Variants in UGT1A4 observed in about 807,000 individuals in gnomAD.
UGT1A4 encodes UDP glucuronosyltransferase family 1 member A4.
UGT1A4 carries 32 observed loss-of-function variants against 41.1 expected under a neutral mutation model. The observed-to-expected ratio is 0.78, with a 90% confidence interval of 0.59 to 1.05. The LOEUF (loss-of-function observed/expected upper bound fraction) is 1.05, where lower values mean the gene tolerates loss of function less well. Among genes scored for constraint, UGT1A4 ranks in the 50% least tolerant of loss-of-function variants. UGT1A4 has a pLI of 0.00. For synonymous variants in UGT1A4, 283 were observed against 265.1 expected, an observed-to-expected ratio of 1.07 and a Z score of -0.66; for missense variants, 748 against 677.4, an observed-to-expected ratio of 1.10 and a Z score of -1.16.
intron 1 of UGT1A4, chr2:233,755,812 A>C (rs1456850451): frequency 6.6e-6 from 1 of 152,248 alleles, no homozygotes; most frequent in African/African-American, 2.4e-5. Context: ...ATTAAAACAG[A>C]ATTAAAAAGA....
In UGT1A4 at chr2:233,731,732, C is replaced by T. The variant is rs376493971; in HGVS notation, c.867+12045C>T. Among the ~76,000 whole-genome samples, 8 of 152,220 alleles carry T rather than the reference C, an allele frequency of 5.3e-5. No homozygotes were observed. In the East Asian group the frequency reaches 1.3e-3, roughly 26 times the overall value. On this transcript the variant is annotated intron_variant, in intron 1 of 4. Transcript: ENST00000373409. ...CAGGTCTTTGCTATTGTGAATAGTG[C>T]CACAATAAACATACGTGTGCATGTG...
intron 1 of UGT1A4, among the ~76,000 whole-genome samples, chr2:233,726,317 A>G (rs1017068137): frequency 1.3e-5 from 2 of 152,230 alleles, no homozygotes; most frequent in African/African-American, 4.8e-5. Context: ...CATTGAGCTC[A>G]GGAGTTTCAG....
At chr2:233,720,871 A>ACT (rs2076900634) in intron 1 of UGT1A4, among the ~76,000 whole-genome samples, 1 of 132,772 alleles carries the variant, frequency 7.5e-6, no homozygotes, top group Non-Finnish European at 1.6e-5. Context: ...GCTCCTGGCA[A>ACT]TTTTTTTTTT....
intron 1 of UGT1A4, among the ~76,000 whole-genome samples, chr2:233,749,315 G>T (rs2125898237): frequency 6.6e-6 from 1 of 151,862 alleles, no homozygotes; most frequent in Middle Eastern, 3.4e-3. Flanking sequence ...GTGTTTATTA[G>T]ATTTGTAACA....
intron 1 of UGT1A4, among the ~76,000 whole-genome samples, chr2:233,724,201 G>A: frequency 7.6e-6 from 1 of 131,764 alleles, no homozygotes; most frequent in South Asian, 2.7e-4. Flanking sequence ...TGGCTGGCCG[G>A]GCTGAGGGGC....
At chr2:233,761,494 C>T (rs1189997049) in intron 1 of UGT1A4, among the ~76,000 whole-genome samples, 1 of 152,234 alleles carries the variant, frequency 6.6e-6, no homozygotes, top group Non-Finnish European at 1.5e-5. Context: ...GCACCTTGCC[C>T]TGGATTCAGT....
intron 1 of UGT1A4, among the ~76,000 whole-genome samples, chr2:233,766,658 C>A (rs1575821914): frequency 6.6e-6 from 1 of 152,166 alleles, no homozygotes; most frequent in Admixed American, 6.5e-5. Flanking sequence ...AAAGGGACCA[C>A]GCCCTTCCCA....
At position 233,768,314 on chromosome 2, in the gene UGT1A4, G is replaced by T. The variant is rs1430980091; in HGVS notation, c.1182G>T (p.Leu394Phe). The T allele has an allele frequency of 6.2e-7, 1 of 1,614,062 alleles. No individual in the cohort carries two copies. The highest frequency in any genetic ancestry group is 8.5e-7 in the Non-Finnish European group (1 of 1,180,048). Residue 394 changes from leucine (L) to phenylalanine (F), a missense_variant, in exon 4 of 5, where the codon TTG becomes TTT. Leu to Phe is a conservative substitution (Grantham distance 22). Transcript: ENST00000373409. ...CNGVPMVMMP[L>F]FGDQMDNAKR... is the part of the protein sequence containing the mutation. ...GCGTTCCCATGGTGATGATGCCCTT[G>T]TTTGGTGATCAGATGGACAATGCAA...
chr2:233,730,512 T>C (rs1468182310), intron 1 of UGT1A4, among the ~76,000 whole-genome samples: 3 of 152,116 alleles, frequency 2.0e-5, no homozygotes, highest in Non-Finnish European at 4.4e-5. Flanking sequence ...GTTGACTCAG[T>C]GGAAGTGGGG....
At chr2:233,731,160 C>T (rs1477166439) in intron 1 of UGT1A4, among the ~76,000 whole-genome samples, 4 of 151,954 alleles carry the variant, frequency 2.6e-5, no homozygotes, top group South Asian at 2.1e-4. Flanking sequence ...TTTGATCAAA[C>T]GACATGATTT....
chr2:233,732,507 C>A (rs2125772065), intron 1 of UGT1A4, among the ~76,000 whole-genome samples: 1 of 152,338 alleles, frequency 6.6e-6, no homozygotes, highest in Admixed American at 6.5e-5. Context: ...GGAAGGGATC[C>A]TGTTCCAGCT....
chr2:233,757,560 A>ATGTG (rs199649558), intron 1 of UGT1A4, among the ~76,000 whole-genome samples: 1 of 123,156 alleles, frequency 8.1e-6, no homozygotes, highest in African/African-American at 3.4e-5. Context: ...ATATATATAT[A>ATGTG]TGTATATATG....
intron 1 of UGT1A4, among the ~76,000 whole-genome samples, chr2:233,736,359 A>G (rs2078753406): frequency 6.6e-6 from 1 of 152,150 alleles, no homozygotes; most frequent in Admixed American, 6.5e-5. Flanking sequence ...TTTCAGCTCC[A>G]TCAGGTCATT....
At position 233,728,430 on chromosome 2, in the gene UGT1A4, A is replaced by G. The variant is rs531471868; in HGVS notation, c.867+8743A>G. Among the ~76,000 whole-genome samples, 89 of 152,228 alleles carry G rather than the reference A, an allele frequency of 5.8e-4. 1 individual carries two copies. The highest frequency in any genetic ancestry group is 2.0e-3 in the African/African-American group (84 of 41,542). ...TTTAGATAGCAGCACCTCTTCTTCC[A>G]TGGTGTATATGGAGAATCCTCAACA... On this transcript the variant is annotated intron_variant, in intron 1 of 4. Transcript: ENST00000373409.
At chr2:233,728,109 C>T (rs1053786831) in intron 1 of UGT1A4, among the ~76,000 whole-genome samples, 1 of 152,198 alleles carries the variant, frequency 6.6e-6, no homozygotes, top group African/African-American at 2.4e-5. Flanking sequence ...ATTTAATTCT[C>T]CATCTTGAAA....
chr2:233,760,044 T>C (rs183598295), intron 1 of UGT1A4, among the ~76,000 whole-genome samples: 36 of 152,234 alleles, frequency 2.4e-4, no homozygotes, highest in East Asian at 9.6e-4. Context: ...CTTTGCTGTG[T>C]TCACTCAAGA....
chr2:233,722,551 G>A (rs1195630832), intron 1 of UGT1A4, among the ~76,000 whole-genome samples: 3 of 152,024 alleles, frequency 2.0e-5, no homozygotes, highest in Admixed American at 6.5e-5. Context: ...AGTTTCTTTT[G>A]GTTGATTTGT....
rs367754114 is a variant in UGT1A4 at position 233,752,975 on chromosome 2, T to G, written c.868-14059T>G. On this transcript the variant is annotated intron_variant, in intron 1 of 4. Coordinates refer to ENST00000373409, the MANE Select transcript of UGT1A4 (RefSeq NM_007120.3). ...AATGGGATTTATGTAACCAATTGTG[T>G]AGATACAAACCCACTCATTCTATCC... Among the ~76,000 whole-genome samples, 45 of 152,332 alleles carry G rather than the reference T, an allele frequency of 3.0e-4. 2 individuals carry two copies. In the East Asian group the frequency reaches 7.1e-3, roughly 24 times the overall value.
intron 1 of UGT1A4, among the ~76,000 whole-genome samples, chr2:233,731,608 A>C (rs2078181634): frequency 6.6e-6 from 1 of 152,230 alleles, no homozygotes. Context: ...TGCAAAGGAC[A>C]TGAACTCATC....
Sources: allele counts gnomAD v4.1 joint callset (sites outside exome capture counted in the v4.1 genomes callset), GRCh38; gene constraint gnomAD v4.1.1; transcripts MANE v1.5; gene names NCBI Gene and HGNC (gene_info 2026-07-23, HGNC 2026-07-21).